The following TOPAZ1 variants were observed in gnomAD, a reference collection of about 807,000 sequenced individuals.
TOPAZ1 encodes protein TOPAZ1.
TOPAZ1 carries 66 observed loss-of-function variants against 172.2 expected under a neutral mutation model. The observed-to-expected ratio is 0.38, with a 90% CI of 0.31 to 0.47. TOPAZ1 has a LOEUF of 0.47. TOPAZ1 is among the 20% of genes least tolerant of loss of function. TOPAZ1 has a pLI of 0.99. For synonymous variants in TOPAZ1, 681 were observed against 683.9 expected (o/e 1.00, Z 0.07); for missense variants, 1,822 against 1,972.4 (o/e 0.92, Z 1.44).
Position 44,244,317 on chromosome 3 carries a change from G to C in TOPAZ1, c.1811G>C (p.Arg604Thr), listed in dbSNP as rs1157256097. Residue 604 changes from arginine (R) to threonine (T), a missense_variant, in exon 2 of 20, where the codon AGA becomes ACA. Coordinates refer to ENST00000309765, the MANE Select transcript of TOPAZ1 (RefSeq NM_001145030.2). Reference sequence around the variant, plus strand: ...ATAAAATCAGAGGAACTGAGCAGAAGAGGGTCAGAGGTAATTTCTAACACT... The same window carrying C: ...ATAAAATCAGAGGAACTGAGCAGAACAGGGTCAGAGGTAATTTCTAACACT... Reference protein sequence around the residue: ...KKIKSEELSRRGSEVISNTTE... With the variant: ...KKIKSEELSRTGSEVISNTTE... 6.4e-7 allele frequency: 1 copy of C among 1,550,772 alleles called. No homozygotes were observed. Among genetic ancestry groups the C allele is most frequent in the East Asian group, 2.4e-5 (1 of 40,912 alleles).
In TOPAZ1 at chr3:44,323,141, T is replaced by A. The variant is rs1201321317; in HGVS notation, c.4521T>A (p.Gly1507=). ...GCCTTCTTTTTAATAAGCTTCTAGG[T>A]TCCTGTATAGAAAGCAGTAGTCTTG... is the stretch of plus-strand genomic sequence containing the variant. The part of the protein sequence containing the change: ...QYSLLFNKLL[G]SCIESSSLGM... Residue 1507 remains glycine (G), a synonymous_variant, in exon 18 of 20, where the codon GGT becomes GGA. Transcript: ENST00000309765. 6.5e-7 allele frequency: 1 copy of A among 1,549,204 alleles called. No individual in the cohort carries two copies. Among genetic ancestry groups the A allele is most frequent in the South Asian group, 1.2e-5 (1 of 83,686 alleles).
chr3:44,307,505 C>A (rs969857000), intron 15 of TOPAZ1, among the ~76,000 whole-genome samples: 8 of 151,980 alleles, frequency 5.3e-5, no homozygotes, highest in African/African-American at 1.9e-4. Context: ...TTCACATATT[C>A]CTGAGGTGGC....
intron 12 of TOPAZ1, 89 bp downstream of exon 12, chr3:44,290,975 G>C: frequency 5.1e-6 from 4 of 779,798 alleles, no homozygotes; most frequent in Non-Finnish European, 8.0e-6. Flanking sequence ...ATAACTGTTT[G>C]TATGCCCAAA....
At chr3:44,261,053 A>T (rs1124124) in intron 4 of TOPAZ1, among the ~76,000 whole-genome samples, 66,614 of 151,862 alleles carry the variant, frequency 0.44, 16,434 homozygotes, top group East Asian at 0.81. Flanking sequence ...TAAGTAAAAT[A>T]TTAAATGGTA....
chr3:44,287,693 A>G, intron 10 of TOPAZ1, 54 bp from the exon 11 acceptor site: 1 of 1,094,344 alleles, frequency 9.1e-7, no homozygotes, highest in South Asian at 1.6e-5. Context: ...TGAGAAATTT[A>G]AGGTGTACTA....
intron 16 of TOPAZ1, 88 bp downstream of exon 16, chr3:44,310,078 C>A: frequency 8.1e-7 from 1 of 1,240,818 alleles, no homozygotes; most frequent in Non-Finnish European, 1.1e-6. Flanking sequence ...TGATATTGAA[C>A]TGTGGTTAAT....
Position 44,244,142 on chromosome 3 carries a change from T to G in TOPAZ1, c.1636T>G (p.Leu546Val). 1.3e-6 allele frequency: 2 copies of G among 1,551,558 alleles called. No homozygotes were observed. Among genetic ancestry groups the G allele is most frequent in the South Asian group, 2.4e-5 (2 of 84,056 alleles). The change falls in exon 2 of 20, where the codon TTA (leucine) becomes GTA (valine). Residue 546 changes from leucine to valine, a missense_variant. Around this residue, in one of 2 missense-constraint regions of TOPAZ1, gnomAD observed 1,489 missense variants for 1,490.8 expected, o/e 1.00. Coordinates refer to ENST00000309765, the MANE Select transcript of TOPAZ1 (RefSeq NM_001145030.2). ...TNQTHLTDSK[L>V]LLQSSLTETN... ...CCAGACCCATTTAACTGACTCCAAATTATTATTACAAAGTTCCTTAACAGA... is the reference window on the plus strand; with the variant it reads ...CCAGACCCATTTAACTGACTCCAAAGTATTATTACAAAGTTCCTTAACAGA...
chr3:44,253,885 C>T (rs1699664313), intron 2 of TOPAZ1, among the ~76,000 whole-genome samples: 1 of 152,158 alleles, frequency 6.6e-6, no homozygotes, highest in Non-Finnish European at 1.5e-5. Flanking sequence ...TATGCTTATC[C>T]ACTTGTTAAA....
At chr3:44,280,030 C>A (rs1303096286) in intron 8 of TOPAZ1, among the ~76,000 whole-genome samples, 2 of 152,110 alleles carry the variant, frequency 1.3e-5, no homozygotes, top group Non-Finnish European at 2.9e-5. Flanking sequence ...GTGTAGGATT[C>A]CCTTAAGTAT....
At chr3:44,254,623 G>T (rs1217260531) in intron 2 of TOPAZ1, among the ~76,000 whole-genome samples, 18 of 55,520 alleles carry the variant, frequency 3.2e-4, no homozygotes, top group African/African-American at 1.4e-3. Flanking sequence ...GCGAAACTCC[G>T]TCTCAAAAAA....
At chr3:44,298,583 G>C (rs907036117) in intron 12 of TOPAZ1, among the ~76,000 whole-genome samples, 2 of 151,778 alleles carry the variant, frequency 1.3e-5, no homozygotes, top group Non-Finnish European at 2.9e-5. Context: ...ATAGGTCAAA[G>C]GAACAGAGGG....
At chr3:44,313,574 G>A (rs1407735396) in intron 16 of TOPAZ1, among the ~76,000 whole-genome samples, 6 of 145,948 alleles carry the variant, frequency 4.1e-5, no homozygotes, top group African/African-American at 1.0e-4. Context: ...CCAAGATCAC[G>A]CCACTGCACT....
intron 2 of TOPAZ1, among the ~76,000 whole-genome samples, chr3:44,247,318 A>G (rs991027868): frequency 6.6e-6 from 1 of 152,236 alleles, no homozygotes; most frequent in Non-Finnish European, 1.5e-5. Flanking sequence ...ATATTTCTTT[A>G]CCACAAGAAA....
intron 14 of TOPAZ1, 71 bp downstream of exon 14, chr3:44,305,392 C>T: frequency 1.5e-6 from 2 of 1,310,458 alleles, no homozygotes; most frequent in Non-Finnish European, 2.0e-6. Context: ...TTTTTAGAGA[C>T]AGGGTCTTCC....
chr3:44,332,964 A>T (rs184395411), downstream of TOPAZ1, among the ~76,000 whole-genome samples: 19 of 150,746 alleles, frequency 1.3e-4, no homozygotes, highest in Non-Finnish European at 2.4e-4. Context: ...ATGCCCAGAT[A>T]ATTTTTGTTT....
intron 2 of TOPAZ1, among the ~76,000 whole-genome samples, chr3:44,247,308 A>T (rs1699577582): frequency 6.6e-6 from 1 of 152,202 alleles, no homozygotes; most frequent in South Asian, 2.1e-4. Flanking sequence ...CTGAATTAAT[A>T]TATTTCTTTA....
chr3:44,323,645 G>T (rs1044306208), intron 18 of TOPAZ1, among the ~76,000 whole-genome samples: 1 of 152,170 alleles, frequency 6.6e-6, no homozygotes, highest in African/African-American at 2.4e-5. Flanking sequence ...GTTTAAAGAA[G>T]ATCTGTTTTT....
At chr3:44,257,244 G>A (rs1699715683) in intron 4 of TOPAZ1, among the ~76,000 whole-genome samples, 1 of 151,696 alleles carries the variant, frequency 6.6e-6, no homozygotes, top group Non-Finnish European at 1.5e-5. Context: ...GTGGAGGTGG[G>A]AGGATAACTT....
At chr3:44,261,406 AATAGAGGTCCTTTCCCC>A (rs1699774376) in intron 4 of TOPAZ1, among the ~76,000 whole-genome samples, 1 of 152,312 alleles carries the variant, frequency 6.6e-6, no homozygotes, top group Admixed American at 6.5e-5. Context: ...CCATTTATTG[AATAGAGGTCCTTTCCCC>A]ATTGCTTGTT....
Sources: allele counts gnomAD v4.1 joint callset (sites outside exome capture counted in the v4.1 genomes callset), GRCh38; gene constraint gnomAD v4.1.1; regional missense constraint gnomAD v4.1.1; transcripts MANE v1.5; gene names NCBI Gene and HGNC (gene_info 2026-07-23, HGNC 2026-07-21).